Variants in PMS1 observed in about 807,000 individuals in gnomAD.
The protein encoded by PMS1 is PMS1 protein homolog 1.
PMS1 carries 79 observed loss-of-function variants against 93.1 expected under a neutral mutation model. That is an observed-to-expected ratio of 0.85 (90% confidence interval 0.71 to 1.02). PMS1 has a LOEUF of 1.02. PMS1 is among the 50% of genes least tolerant of loss of function. PMS1 has a pLI of 0.00. For synonymous variants in PMS1, 335 were observed against 363.4 expected (o/e 0.92, Z 0.89); for missense variants, 1,064 against 1,085.3 (o/e 0.98, Z 0.28).
intron 3 of PMS1, among the ~76,000 whole-genome samples, chr2:189,799,828 TTG>T (rs2049721008): frequency 7.1e-6 from 1 of 140,942 alleles, no homozygotes; most frequent in African/African-American, 2.8e-5. Flanking sequence ...CAGTGACTGG[TTG>T]AGGTGTTATA....
chr2:189,867,973 T>A, intron 11 of PMS1, 44 bp downstream of exon 11: 1 of 1,511,862 alleles, frequency 6.6e-7, no homozygotes, highest in Non-Finnish European at 9.2e-7. Context: ...GAAAAATTAG[T>A]CTTGTTCCAA....
chr2:189,806,010 A>G (rs2050311611), intron 4 of PMS1: 1 of 1,216,208 alleles, frequency 8.2e-7, no homozygotes, highest in Non-Finnish European at 1.1e-6. Flanking sequence ...AAAAACTAAG[A>G]GTATTTATTT....
intron 9 of PMS1, among the ~76,000 whole-genome samples, chr2:189,858,569 T>TA (rs1383775293): frequency 9.2e-5 from 14 of 152,256 alleles, no homozygotes; most frequent in African/African-American, 3.4e-4. Flanking sequence ...ATGAGTACCA[T>TA]ATGTGAAAAT....
At chr2:189,826,435 G>A (rs2052433242) in intron 5 of PMS1, among the ~76,000 whole-genome samples, 4 of 148,670 alleles carry the variant, frequency 2.7e-5, no homozygotes. Context: ...TTATCAATAT[G>A]GTTTGGTTTG....
chr2:189,860,418 T>C (rs1329143908), intron 9 of PMS1, among the ~76,000 whole-genome samples: 1 of 152,188 alleles, frequency 6.6e-6, no homozygotes, highest in Non-Finnish European at 1.5e-5. Flanking sequence ...AGTTTTTTTT[T>C]TTAAATCAAA....
chr2:189,794,393 G>T (rs902332603), intron 2 of PMS1, among the ~76,000 whole-genome samples: 1 of 152,170 alleles, frequency 6.6e-6, no homozygotes, highest in Non-Finnish European at 1.5e-5. Flanking sequence ...GCAATTACTT[G>T]CATGAGCCAC....
At chr2:189,839,238 G>C (rs946955963) in intron 5 of PMS1, among the ~76,000 whole-genome samples, 2 of 152,078 alleles carry the variant, frequency 1.3e-5, no homozygotes, top group Non-Finnish European at 2.9e-5. Flanking sequence ...TGATCCACCC[G>C]CCTTGGCCTC....
chr2:189,875,425 G>A (rs1015304851), intron 12 of PMS1, among the ~76,000 whole-genome samples: 3 of 151,936 alleles, frequency 2.0e-5, no homozygotes, highest in Non-Finnish European at 4.4e-5. Context: ...CCATGGTACT[G>A]TATTTTCTAT....
intron 4 of PMS1, chr2:189,806,304 A>C (rs1214115958): frequency 4.1e-6 from 1 of 240,998 alleles, no homozygotes; most frequent in Non-Finnish European, 8.2e-6. Flanking sequence ...TTTGAAGCAA[A>C]TACGTATTGT....
At chr2:189,816,938 C>A (rs576770677) in intron 4 of PMS1, among the ~76,000 whole-genome samples, 2 of 151,700 alleles carry the variant, frequency 1.3e-5, no homozygotes, top group Non-Finnish European at 2.9e-5. Flanking sequence ...CTCTATTTTT[C>A]TAGTTTATTC....
At position 189,795,930 on chromosome 2, in the gene PMS1, G is replaced by A. The variant is rs541076815; in HGVS notation, c.294G>A (p.Gly98=). The change falls in exon 3 of 13, where the codon GGG becomes GGA. Residue 98 remains glycine (G), a synonymous_variant. Coordinates refer to ENST00000441310, the MANE Select transcript of PMS1 (RefSeq NM_000534.5). ...ACGGTTTTCGTGGAGAAGCCTTGGGGTCAATTTGTTGTATAGCTGAGGTAA... is the reference window on the plus strand; with the variant it reads ...ACGGTTTTCGTGGAGAAGCCTTGGGATCAATTTGTTGTATAGCTGAGGTAA... The part of the protein sequence containing the change: ...TTYGFRGEAL[G]SICCIAEVLI... The A allele has an allele frequency of 1.1e-5, 18 of 1,611,842 alleles. No homozygotes were observed. Among genetic ancestry groups the A allele is most frequent in the Non-Finnish European group, 1.5e-5 (18 of 1,177,970 alleles).
intron 4 of PMS1, among the ~76,000 whole-genome samples, chr2:189,811,281 G>GA (rs370077425): frequency 0.22 from 24,481 of 113,538 alleles, 2,330 homozygotes; most frequent in Middle Eastern, 0.27. Flanking sequence ...AACAAAATCT[G>GA]AAAAAAAAAA....
At chr2:189,822,854 T>C (rs1344128052) in intron 5 of PMS1, among the ~76,000 whole-genome samples, 1 of 152,212 alleles carries the variant, frequency 6.6e-6, no homozygotes, top group Non-Finnish European at 1.5e-5. Context: ...AAAAATCTTA[T>C]AAGAAAATTG....
chr2:189,846,204 T>A (rs1425178779), intron 6 of PMS1, among the ~76,000 whole-genome samples: 1 of 151,654 alleles, frequency 6.6e-6, no homozygotes, highest in Non-Finnish European at 1.5e-5. Context: ...TAAGACCCTG[T>A]CTCTAAAAAT....
chr2:189,838,331 C>T, intron 5 of PMS1, among the ~76,000 whole-genome samples: 1 of 151,902 alleles, frequency 6.6e-6, no homozygotes, highest in Admixed American at 6.6e-5. Flanking sequence ...GGTTACTTTT[C>T]CCTAGGGAAA....
chr2:189,838,422 T>A (rs2053563092), intron 5 of PMS1, among the ~76,000 whole-genome samples: 1 of 152,202 alleles, frequency 6.6e-6, no homozygotes, highest in Non-Finnish European at 1.5e-5. Flanking sequence ...GGTACTGTTC[T>A]TGGTACCAGA....
At position 189,877,478 on chromosome 2, in the gene PMS1, C is replaced by T; in HGVS notation, c.*42C>T. On this transcript the variant is annotated 3_prime_UTR_variant, in exon 13 of 13. Coordinates refer to ENST00000441310, the MANE Select transcript of PMS1 (RefSeq NM_000534.5). ...AGATTAGTTACCATTGAAATTGGTT[C>T]TGTCATAAAACAGCATGAGTCTGGT... 7.1e-7 allele frequency: 1 copy of T among 1,405,540 alleles called. No homozygotes were observed. Among genetic ancestry groups the T allele is most frequent in the Non-Finnish European group, 1.0e-6 (1 of 992,932 alleles). 87.1% of individuals were successfully genotyped at this position (1,405,540 alleles called of 1,614,324 possible).
intron 4 of PMS1, among the ~76,000 whole-genome samples, chr2:189,807,286 C>CT (rs2050426384): frequency 6.6e-6 from 1 of 151,992 alleles, no homozygotes; most frequent in Non-Finnish European, 1.5e-5. Flanking sequence ...GAGCTCAAGT[C>CT]TAACAGCTAT....
intron 6 of PMS1, among the ~76,000 whole-genome samples, chr2:189,844,580 G>T (rs2054088207): frequency 6.8e-6 from 1 of 146,176 alleles, no homozygotes; most frequent in Admixed American, 6.9e-5. Context: ...GGAGGCAGAG[G>T]TTGCAGTGAG....
Sources: allele counts gnomAD v4.1 joint callset (sites outside exome capture counted in the v4.1 genomes callset), GRCh38; gene constraint gnomAD v4.1.1; transcripts MANE v1.5; gene names NCBI Gene and HGNC (gene_info 2026-07-23, HGNC 2026-07-21).